The following PYGL variants were observed in gnomAD, a reference collection of about 807,000 sequenced individuals.
The protein encoded by PYGL is glycogen phosphorylase, liver form.
In PYGL, 90 loss-of-function variants were observed where a neutral mutation model predicts 100.1. That is an observed-to-expected ratio of 0.90 (90% CI 0.76 to 1.07). PYGL has a LOEUF of 1.07. PYGL is among the 50% of genes least tolerant of loss of function. The pLI is 0.00. For missense variants in PYGL, 1,016 were observed against 1,057.6 expected (o/e 0.96, Z 0.55); for synonymous variants, 373 against 393.0 (o/e 0.95, Z 0.60).
At position 50,939,219 on chromosome 14, in the gene PYGL, T is replaced by C. The variant is rs375835381; in HGVS notation, c.244-1382A>G. ...GCCCAGCTAATTTTTGTATTTTTAG[T>C]AGAAACAAGGTTTTGCCATGTTGGC... On this transcript the variant is annotated intron_variant, in intron 1 of 19. Transcript: ENST00000216392. Among the ~76,000 whole-genome samples the C allele has an allele frequency of 9.2e-5, 14 of 152,286 alleles. No individual in the cohort carries two copies. In the South Asian group the frequency reaches 2.7e-3, roughly 29 times the overall value.
intron 5 of PYGL, among the ~76,000 whole-genome samples, chr14:50,922,136 G>A (rs1423529277): frequency 6.6e-6 from 1 of 152,184 alleles, no homozygotes; most frequent in Non-Finnish European, 1.5e-5. Context: ...AGTCAAGCTC[G>A]AAGGAAGGAG....
intron 3 of PYGL, 68 bp from the exon 4 acceptor site, chr14:50,931,844 T>A (rs946316651): frequency 4.5e-5 from 57 of 1,269,454 alleles, no homozygotes; most frequent in Non-Finnish European, 2.8e-5. Context: ...AGTCTTTCCC[T>A]AAAACACATG....
intron 4 of PYGL, among the ~76,000 whole-genome samples, chr14:50,927,894 A>G (rs78721666): frequency 0.015 from 2,313 of 152,254 alleles, 61 homozygotes; most frequent in African/African-American, 0.053. Flanking sequence ...ATGAATTGAC[A>G]AATTGATCTG....
At chr14:50,932,978 T>C (rs1249557468) in intron 3 of PYGL, among the ~76,000 whole-genome samples, 1 of 152,186 alleles carries the variant, frequency 6.6e-6, no homozygotes, top group African/African-American at 2.4e-5. Flanking sequence ...CTGGCTCTGC[T>C]CCCATTCCTG....
chr14:50,915,707 G>C, intron 10 of PYGL, 118 bp downstream of exon 10: 2 of 1,464,666 alleles, frequency 1.4e-6, no homozygotes, highest in Non-Finnish European at 1.9e-6. Flanking sequence ...GTTCGGACTT[G>C]AGTACTTTTG....
chr14:50,925,231 A>G (rs1384104456), intron 4 of PYGL, among the ~76,000 whole-genome samples: 1 of 152,266 alleles, frequency 6.6e-6, no homozygotes, highest in Non-Finnish European at 1.5e-5. Flanking sequence ...GAAATAGTAC[A>G]GTAAAAATTC....
At chr14:50,910,704 T>A (rs2050387027) in intron 16 of PYGL, among the ~76,000 whole-genome samples, 1 of 152,198 alleles carries the variant, frequency 6.6e-6, no homozygotes, top group Admixed American at 6.5e-5. Context: ...ACATTCAGAG[T>A]GTCCCTCCAG....
chr14:50,909,178 C>T (rs1566499615), intron 17 of PYGL, among the ~76,000 whole-genome samples: 1 of 152,132 alleles, frequency 6.6e-6, no homozygotes, highest in Non-Finnish European at 1.5e-5. Context: ...ACACTAAGAA[C>T]AATAGATAAT....
intron 1 of PYGL, among the ~76,000 whole-genome samples, chr14:50,939,035 T>TTA (rs1566515071): frequency 6.6e-5 from 10 of 152,178 alleles, no homozygotes; most frequent in African/African-American, 2.2e-4. Context: ...TTAATTAATT[T>TTA]ATTTATTTAT....
intron 5 of PYGL, chr14:50,923,522 A>C (rs1160148414): frequency 5.7e-6 from 1 of 174,168 alleles, no homozygotes; most frequent in Admixed American, 5.7e-5. Context: ...TCCTGACCTC[A>C]GGTGATCTGC....
Position 50,944,251 on chromosome 14 carries a change from G to A in PYGL, c.153C>T (p.Asp51=), listed in dbSNP as rs77316189. The change falls in exon 1 of 20, where the codon GAC becomes GAT. Residue 51 remains aspartate, a synonymous_variant. Transcript: ENST00000216392. ...CCGTGTGCGCCAGCGCGAAGTAGTAGTCGCGGGTGGTGGCCACGTTGCGGT... is the reference window on the plus strand; with the variant it reads ...CCGTGTGCGCCAGCGCGAAGTAGTAATCGCGGGTGGTGGCCACGTTGCGGT... ...VKDRNVATTR[D]YYFALAHTVR... is the part of the protein sequence containing the mutation. 67,699 of 1,613,776 alleles carry A rather than the reference G, an allele frequency of 0.042. 2,021 individuals are homozygous for A. Among genetic ancestry groups the A allele is most frequent in the African/African-American group, 0.15 (11,478 of 75,034 alleles).
chr14:50,944,389 C>A lies in PYGL; in HGVS notation c.15G>T (p.Leu5=). 2.5e-6 allele frequency: 4 copies of A among 1,612,248 alleles called. No individual in the cohort carries two copies. Among genetic ancestry groups the A allele is most frequent in the Non-Finnish European group, 3.4e-6 (4 of 1,179,478 alleles). Residue 5 remains leucine (L), a synonymous_variant, in exon 1 of 20, where the codon CTG becomes CTT. Coordinates refer to ENST00000216392, the MANE Select transcript of PYGL (RefSeq NM_002863.5). ...TCTGCCGCCGCTTCTCCTGGTCCGT[C>A]AGGGGCTTCGCCATGGCTGGGGCGG... MAKP[L]TDQEKRRQIS...
chr14:50,923,941 A>G, intron 5 of PYGL, 28 bp downstream of exon 5: 1 of 1,605,534 alleles, frequency 6.2e-7, no homozygotes, highest in Non-Finnish European at 8.5e-7. Flanking sequence ...ACTATACAAA[A>G]CGCTGGCTAT....
intron 13 of PYGL, 168 bp from the exon 14 acceptor site, chr14:50,912,471 A>G: frequency 1.2e-6 from 1 of 810,174 alleles, no homozygotes; most frequent in South Asian, 1.5e-5. Context: ...CGATTATCCT[A>G]TCAGGGATTA....
rs1244199408 is a variant in PYGL, at chr14:50,911,401, G to A, written c.1969+329C>T. ...ATTTGGTGTTCTCTTGCAAAACTGG[G>A]GCTGGGAACTGAAGACCTTTCCTCT... On this transcript the variant is annotated intron_variant, in intron 16 of 19. Coordinates refer to ENST00000216392, the MANE Select transcript of PYGL (RefSeq NM_002863.5). 1.8e-4 allele frequency among the ~76,000 whole-genome samples: 27 copies of A among 152,166 alleles called. 1 individual carries two copies. The highest frequency in any genetic ancestry group is 1.6e-3 in the Admixed American group (25 of 15,280).
chr14:50,932,870 G>T (rs1486342171), intron 3 of PYGL, among the ~76,000 whole-genome samples: 2 of 152,206 alleles, frequency 1.3e-5, no homozygotes, highest in South Asian at 4.1e-4. Context: ...GATTGAATGA[G>T]GTTGGTGGTA....
At position 50,905,275 on chromosome 14, in the gene PYGL, A is replaced by G. The variant is rs965943271; in HGVS notation, c.*117T>C. 5 of 1,099,332 alleles carry G rather than the reference A, an allele frequency of 4.5e-6. No homozygotes were observed. Among genetic ancestry groups the G allele is most frequent in the Non-Finnish European group, 5.4e-6 (4 of 737,508 alleles). The allele number at this position is 1,099,332 out of a possible 1,614,324, so 68.1% of individuals were successfully genotyped here. On this transcript the variant is annotated 3_prime_UTR_variant, in exon 20 of 20. Transcript: ENST00000216392. ...TCTATTACATATAATTTCCCTCCCCATTCCCAGAGATACTCAACTATTATA... is the reference window on the plus strand; with the variant it reads ...TCTATTACATATAATTTCCCTCCCCGTTCCCAGAGATACTCAACTATTATA...
intron 4 of PYGL, among the ~76,000 whole-genome samples, chr14:50,929,745 A>G (rs2050586864): frequency 6.6e-6 from 1 of 152,236 alleles, no homozygotes; most frequent in South Asian, 2.1e-4. Flanking sequence ...TGTCCTGGAC[A>G]TGCCTGCTAA....
At chr14:50,911,665 C>G (rs2050398904) in intron 16 of PYGL, 65 bp downstream of exon 16, 2 of 1,596,756 alleles carry the variant, frequency 1.3e-6, no homozygotes, top group Admixed American at 1.7e-5. Context: ...GCTGCCCCAT[C>G]TTTCATACCA....
Sources: allele counts gnomAD v4.1 joint callset (sites outside exome capture counted in the v4.1 genomes callset), GRCh38; gene constraint gnomAD v4.1.1; transcripts MANE v1.5; gene names NCBI Gene and HGNC (gene_info 2026-07-23, HGNC 2026-07-21).